FRMD5: variants seen among roughly 807,000 people sequenced by gnomAD.
The protein encoded by FRMD5 is FERM domain containing 5, also known as FERM domain-containing protein 5.
Under a neutral mutation model 69.0 loss-of-function variants are expected in FRMD5, and 20 were observed. The observed-to-expected ratio is 0.29, with a 90% CI of 0.20 to 0.42. FRMD5 has a LOEUF of 0.42. Ranked by LOEUF, FRMD5 falls within the 10% of genes least tolerant of loss-of-function variation. The pLI is 1.00. For missense variants in FRMD5, 595 were observed against 708.6 expected, an observed-to-expected ratio of 0.84 and a Z score of 1.82; for synonymous variants, 271 against 260.1, an observed-to-expected ratio of 1.04 and a Z score of -0.40.
chr15:44,007,786 T>TA (rs1353236193), intron 1 of FRMD5, among the ~76,000 whole-genome samples: 1 of 151,782 alleles, frequency 6.6e-6, no homozygotes, highest in African/African-American at 2.4e-5. Context: ...GCTGGGATTA[T>TA]AGGCATGTGC....
intron 1 of FRMD5, among the ~76,000 whole-genome samples, chr15:44,116,852 C>A (rs1363208645): frequency 6.6e-6 from 1 of 151,962 alleles, no homozygotes; most frequent in African/African-American, 2.4e-5. Context: ...GAGGCTGAGG[C>A]GGGCGGATCA....
chr15:43,888,328 C>A, intron 9 of FRMD5, 62 bp from the exon 10 acceptor site: 1 of 1,187,008 alleles, frequency 8.4e-7, no homozygotes, highest in Non-Finnish European at 1.2e-6. Context: ...GTGAAGTAGG[C>A]GAGGACCCTG....
chr15:44,071,083 G>A (rs1893519746), intron 1 of FRMD5, among the ~76,000 whole-genome samples: 1 of 152,152 alleles, frequency 6.6e-6, no homozygotes, highest in Non-Finnish European at 1.5e-5. Context: ...CAACTTGAAA[G>A]TCAGGATTTC....
chr15:43,995,125 T>C (rs1472820526), intron 1 of FRMD5, among the ~76,000 whole-genome samples: 3 of 152,164 alleles, frequency 2.0e-5, no homozygotes, highest in African/African-American at 4.8e-5. Flanking sequence ...GTCCCTTATA[T>C]AAAACAATAT....
intron 1 of FRMD5, among the ~76,000 whole-genome samples, chr15:44,099,869 T>C (rs1412007267): frequency 6.6e-6 from 1 of 152,110 alleles, no homozygotes; most frequent in Non-Finnish European, 1.5e-5. Flanking sequence ...TCTAAAAAGA[T>C]AAGCTTGTAT....
At chr15:43,927,946 G>A (rs1040181998) in intron 1 of FRMD5, among the ~76,000 whole-genome samples, 3 of 152,078 alleles carry the variant, frequency 2.0e-5, no homozygotes, top group Non-Finnish European at 4.4e-5. Flanking sequence ...CATGGGCTGC[G>A]AGTTCAGATG....
At chr15:43,895,935 C>A (rs1367121129) in intron 7 of FRMD5, among the ~76,000 whole-genome samples, 1 of 152,162 alleles carries the variant, frequency 6.6e-6, no homozygotes. Flanking sequence ...AGTTTGTGTG[C>A]AAAATAACAA....
At chr15:44,008,861 C>A (rs1035482448) in intron 1 of FRMD5, among the ~76,000 whole-genome samples, 1 of 151,980 alleles carries the variant, frequency 6.6e-6, no homozygotes, top group Non-Finnish European at 1.5e-5. Context: ...CCTGTCTCTA[C>A]TAAAAATCCG....
intron 1 of FRMD5, among the ~76,000 whole-genome samples, chr15:44,087,999 CATTCATTATTCAGCA>C (rs1285375688): frequency 6.6e-6 from 1 of 152,132 alleles, no homozygotes; most frequent in East Asian, 1.9e-4. Flanking sequence ...CTCAAGGAGT[CATTCATTATTCAGCA>C]TTTCGTGAAC....
At chr15:44,013,845 T>C (rs996921208) in intron 1 of FRMD5, among the ~76,000 whole-genome samples, 1 of 143,778 alleles carries the variant, frequency 7.0e-6, no homozygotes, top group Non-Finnish European at 1.5e-5. Flanking sequence ...TGCAAGTATC[T>C]GGAGACACCT....
chr15:43,969,320 G>A (rs999439457), intron 1 of FRMD5, among the ~76,000 whole-genome samples: 5 of 152,014 alleles, frequency 3.3e-5, no homozygotes, highest in African/African-American at 9.7e-5. Context: ...GGGCTCAAGC[G>A]ATCCTCCCAC....
intron 7 of FRMD5, 38 bp from the exon 8 acceptor site, chr15:43,892,107 C>T (rs1315509362): frequency 1.3e-6 from 2 of 1,577,686 alleles, no homozygotes; most frequent in Admixed American, 1.7e-5. Flanking sequence ...GTGATGCAGG[C>T]ACAGAGGTGA....
At chr15:44,090,042 C>T (rs1468262514) in intron 1 of FRMD5, among the ~76,000 whole-genome samples, 2 of 152,168 alleles carry the variant, frequency 1.3e-5, no homozygotes, top group Non-Finnish European at 2.9e-5. Context: ...TGCTCACCTC[C>T]GTCCCTCACT....
chr15:44,183,904 C>A (rs1428261390), intron 1 of FRMD5, among the ~76,000 whole-genome samples: 4 of 151,880 alleles, frequency 2.6e-5, no homozygotes, highest in African/African-American at 9.7e-5. Context: ...ATCACTTGAA[C>A]CCAGGATGCG....
chr15:43,873,861 G>C lies in FRMD5; in HGVS notation c.*24C>G. 6.2e-7 allele frequency: 1 copy of C among 1,609,982 alleles called. No homozygotes were observed. Among genetic ancestry groups the C allele is most frequent in the Non-Finnish European group, 8.5e-7 (1 of 1,177,124 alleles). Reference sequence around the variant, plus strand: ...CCGGGTTCCTTGGTCCACCTGGCTAGTTTTTGGGAGGAGTCATGCCTTCTC... The same window carrying C: ...CCGGGTTCCTTGGTCCACCTGGCTACTTTTTGGGAGGAGTCATGCCTTCTC... On this transcript the variant is annotated 3_prime_UTR_variant, in exon 14 of 14. Coordinates refer to ENST00000417257, the MANE Select transcript of FRMD5 (RefSeq NM_032892.5).
chr15:43,979,033 C>T (rs546481501), intron 1 of FRMD5, among the ~76,000 whole-genome samples: 1 of 152,156 alleles, frequency 6.6e-6, no homozygotes, highest in African/African-American at 2.4e-5. Context: ...GTAGAAAATG[C>T]TTATAGAAAG....
chr15:43,891,942 G>T, intron 8 of FRMD5, 39 bp downstream of exon 8: 1 of 1,551,682 alleles, frequency 6.4e-7, no homozygotes, highest in South Asian at 1.1e-5. Flanking sequence ...CCCAGTTGGT[G>T]AGATATAAAG....
intron 1 of FRMD5, among the ~76,000 whole-genome samples, chr15:44,083,069 C>T (rs149060629): frequency 3.8e-4 from 58 of 152,104 alleles, no homozygotes; most frequent in Admixed American, 7.9e-4. Flanking sequence ...GCTTCTCAAA[C>T]ACTTTCTGAT....
At chr15:44,168,306 G>A (rs1042146019) in intron 1 of FRMD5, among the ~76,000 whole-genome samples, 1 of 152,116 alleles carries the variant, frequency 6.6e-6, no homozygotes, top group Non-Finnish European at 1.5e-5. Flanking sequence ...GTAAATACTG[G>A]CATTTTAAAA....
Sources: allele counts gnomAD v4.1 joint callset (sites outside exome capture counted in the v4.1 genomes callset), GRCh38; gene constraint gnomAD v4.1.1; transcripts MANE v1.5; gene names NCBI Gene and HGNC (gene_info 2026-07-23, HGNC 2026-07-21).